Variants in NSMAF observed in about 807,000 individuals in gnomAD.
NSMAF encodes protein FAN.
A neutral mutation model predicts 134.9 loss-of-function variants in NSMAF; 90 were observed. The observed-to-expected ratio is 0.67, with a 90% CI of 0.56 to 0.79. The LOEUF (loss-of-function observed/expected upper bound fraction) is 0.79. Ranked by LOEUF, NSMAF falls within the 30% of genes least tolerant of loss-of-function variation. The pLI, the probability that NSMAF is intolerant of heterozygous loss-of-function variation, is 0.00. For missense variants in NSMAF, 1,010 were observed against 1,119.0 expected (o/e 0.90, Z 1.39); for synonymous variants, 358 against 389.6 (o/e 0.92, Z 0.96).
intron 9 of NSMAF, among the ~76,000 whole-genome samples, chr8:58,614,465 G>A (rs567589216): frequency 6.6e-6 from 1 of 152,212 alleles, no homozygotes; most frequent in African/African-American, 2.4e-5. Context: ...CCATAGTGAA[G>A]GTTATAGGAT....
intron 1 of NSMAF, among the ~76,000 whole-genome samples, chr8:58,645,363 T>A (rs1005231649): frequency 3.9e-5 from 6 of 152,148 alleles, no homozygotes; most frequent in Non-Finnish European, 7.4e-5. Context: ...AAACATGGAA[T>A]AGATGAACAC....
At chr8:58,610,564 T>C (rs1479422825) in intron 9 of NSMAF, among the ~76,000 whole-genome samples, 3 of 152,132 alleles carry the variant, frequency 2.0e-5, no homozygotes, top group Admixed American at 1.3e-4. Context: ...GACTGGAATG[T>C]TGAGCATGTA....
intron 5 of NSMAF, among the ~76,000 whole-genome samples, chr8:58,634,955 G>T (rs980592542): frequency 6.6e-6 from 1 of 152,168 alleles, no homozygotes; most frequent in Non-Finnish European, 1.5e-5. Context: ...ATCATAAATC[G>T]TGAGAGCTCC....
rs768478617 is a variant in NSMAF at position 58,609,568 on chromosome 8, T to C, written c.687+36A>G. 31 of 1,611,906 alleles carry C rather than the reference T, an allele frequency of 1.9e-5. 1 individual carries two copies. In the East Asian group the frequency reaches 3.1e-4, roughly 16 times the overall value. ...CCATGGTCTGGAAACAGCTTAAACA[T>C]GGGCAGCTCCCCACCTGACCCTGTG... is the stretch of plus-strand genomic sequence containing the variant. On this transcript the variant is annotated intron_variant, in intron 10 of 30. Coordinates refer to ENST00000038176, the MANE Select transcript of NSMAF (RefSeq NM_003580.4).
chr8:58,601,491 AC>A lies in NSMAF; in HGVS notation c.1169del (p.Ser390IlefsTer56), dbSNP rs770150928. 33 of 1,611,168 alleles carry A rather than the reference AC, an allele frequency of 2.0e-5. 1 individual carries two copies. The South Asian group carries it at 3.3e-4, about 16-fold the overall frequency. ...EMPEPKFMYG[S>X]HYSSPGYVLF... ...GTACATAACCCGGGGAAGAGTAGTG[AC>A]TCCCATACATGAACTTTGGTTCAGG... On this transcript the variant is annotated frameshift_variant, in exon 15 of 31. Transcript: ENST00000038176. LOFTEE classifies it high-confidence loss of function.
intron 5 of NSMAF, among the ~76,000 whole-genome samples, chr8:58,633,725 C>G (rs1807108709): frequency 6.6e-6 from 1 of 152,128 alleles, no homozygotes; most frequent in African/African-American, 2.4e-5. Context: ...AAGCAAAGCT[C>G]TCTAAATATA....
chr8:58,653,005 G>A (rs2129148727), intron 1 of NSMAF, among the ~76,000 whole-genome samples: 2 of 152,252 alleles, frequency 1.3e-5, no homozygotes, highest in South Asian at 4.1e-4. Context: ...GCATTAACCA[G>A]GCAATTAGTA....
chr8:58,603,021 CACTT>C (rs1234894905), intron 13 of NSMAF, among the ~76,000 whole-genome samples, 185 bp downstream of exon 13: 5 of 152,242 alleles, frequency 3.3e-5, no homozygotes, highest in African/African-American at 1.2e-4. Flanking sequence ...ATACATGAAA[CACTT>C]ACGTAACACT....
chr8:58,608,367 CT>C (rs1806454955), intron 10 of NSMAF, among the ~76,000 whole-genome samples: 1 of 152,068 alleles, frequency 6.6e-6, no homozygotes, highest in Non-Finnish European at 1.5e-5. Flanking sequence ...AGAAAATTGT[CT>C]TGCTTTTCTA....
chr8:58,659,162 A>C, intron 1 of NSMAF: 3 of 1,377,820 alleles, frequency 2.2e-6, no homozygotes, highest in Non-Finnish European at 2.8e-6. Context: ...GGGAAGGATT[A>C]GAAAGGGGGT....
chr8:58,607,971 T>C (rs1267106578), intron 10 of NSMAF, 131 bp from the exon 11 acceptor site: 6 of 751,066 alleles, frequency 8.0e-6, no homozygotes, highest in East Asian at 2.6e-5. Flanking sequence ...AAAGGAAATC[T>C]TGGAACAAGG....
At chr8:58,632,199 A>G (rs1807069665) in intron 5 of NSMAF, among the ~76,000 whole-genome samples, 1 of 152,072 alleles carries the variant, frequency 6.6e-6, no homozygotes, top group South Asian at 2.1e-4. Context: ...TTAGGATTAT[A>G]TACTGCACTC....
At position 58,642,990 on chromosome 8, in the gene NSMAF, T is replaced by C. The variant is rs1258862297; in HGVS notation, c.143A>G (p.His48Arg). The stretch of plus-strand genomic sequence containing the variant: ...GATACCGAAGCTTCCTTACCTTTCA[T>C]GGTGACTGCCCTTGTGCAAAATGTG... ...ANHILHKGSH[H>R]ERKIRGSLKI... The change falls in exon 2 of 31, where the codon CAT becomes CGT. Residue 48 changes from histidine (H) to arginine (R), a missense_variant. Coordinates refer to ENST00000038176, the MANE Select transcript of NSMAF (RefSeq NM_003580.4). 3.7e-6 allele frequency: 6 copies of C among 1,611,756 alleles called. No homozygotes were observed. Among genetic ancestry groups the C allele is most frequent in the Middle Eastern group, 3.3e-4 (2 of 6,054 alleles).
At chr8:58,615,553 G>A (rs1201369267) in intron 9 of NSMAF, among the ~76,000 whole-genome samples, 1 of 152,158 alleles carries the variant, frequency 6.6e-6, no homozygotes, top group Non-Finnish European at 1.5e-5. Context: ...TTCCAAATAT[G>A]TGGAAGTTAA....
Position 58,639,241 on chromosome 8 carries a change from G to A in NSMAF, c.150-3695C>T, listed in dbSNP as rs113703391. ...AGAGGTTGCAGTGAGCAGAGATCAC[G>A]CCACTGCACTTCAGCCTAGGTGACA... is the stretch of plus-strand genomic sequence containing the variant. On this transcript the variant is annotated intron_variant, in intron 2 of 30. Coordinates refer to ENST00000038176, the MANE Select transcript of NSMAF (RefSeq NM_003580.4). Among the ~76,000 whole-genome samples, 1,273 of 151,534 alleles carry A rather than the reference G, an allele frequency of 8.4e-3. 10 individuals are homozygous for A. Among genetic ancestry groups the A allele is most frequent in the Non-Finnish European group, 0.011 (779 of 67,932 alleles).
chr8:58,585,849 A>G (rs539940512), intron 29 of NSMAF, 49 bp downstream of exon 29: 1 of 1,583,856 alleles, frequency 6.3e-7, no homozygotes, highest in East Asian at 2.2e-5. Context: ...TGAAGTGATC[A>G]TGAACATGTC....
At chr8:58,631,430 T>C in intron 6 of NSMAF, 66 bp downstream of exon 6, 2 of 923,852 alleles carry the variant, frequency 2.2e-6, no homozygotes, top group Non-Finnish European at 3.3e-6. Flanking sequence ...GTTAATAGAG[T>C]CACAAAATTT....
chr8:58,640,447 C>T (rs982249178), intron 2 of NSMAF, among the ~76,000 whole-genome samples: 8 of 152,076 alleles, frequency 5.3e-5, no homozygotes, highest in African/African-American at 1.9e-4. Context: ...CTTGGCCATA[C>T]TTATTAAATT....
intron 7 of NSMAF, 40 bp downstream of exon 7, chr8:58,623,668 GC>G (rs1279625117): frequency 6.6e-7 from 1 of 1,523,700 alleles, no homozygotes; most frequent in Non-Finnish European, 9.1e-7. Context: ...AACAGTTTTT[GC>G]CTCAGTTTGC....
Sources: allele counts gnomAD v4.1 joint callset (sites outside exome capture counted in the v4.1 genomes callset), GRCh38; gene constraint gnomAD v4.1.1; transcripts MANE v1.5; gene names NCBI Gene and HGNC (gene_info 2026-07-23, HGNC 2026-07-21).